The following TTK variants were observed in gnomAD, a reference collection of about 807,000 sequenced individuals.
The protein encoded by TTK is TTK protein kinase.
In TTK, 59 loss-of-function variants were observed where a neutral mutation model predicts 117.3. The ratio of observed to expected loss-of-function variants is 0.50; its 90% confidence interval spans 0.41 to 0.62. The LOEUF (loss-of-function observed/expected upper bound fraction) is 0.62, where lower values mean the gene tolerates loss of function less well. Ranked by LOEUF, TTK falls within the 20% of genes least tolerant of loss-of-function variation. TTK has a pLI of 0.00. For missense variants in TTK, 921 were observed against 989.4 expected (o/e 0.93, Z 0.93); for synonymous variants, 302 against 325.0 (o/e 0.93, Z 0.76).
At chr6:80,019,373 A>C (rs1767399313) in intron 10 of TTK, among the ~76,000 whole-genome samples, 1 of 152,214 alleles carries the variant, frequency 6.6e-6, no homozygotes, top group South Asian at 2.1e-4. Context: ...TACTTTCAAA[A>C]GACTATTCTG....
At chr6:80,012,150 C>T (rs1359642833) in intron 8 of TTK, among the ~76,000 whole-genome samples, 170 bp downstream of exon 8, 2 of 151,854 alleles carry the variant, frequency 1.3e-5, no homozygotes, top group African/African-American at 4.8e-5. Context: ...GAGAAAATAA[C>T]TTTGTTTTGC....
chr6:80,035,952 T>C (rs1031311024), intron 16 of TTK, among the ~76,000 whole-genome samples: 2 of 152,148 alleles, frequency 1.3e-5, no homozygotes, highest in African/African-American at 4.8e-5. Context: ...AATTGTAATT[T>C]ATCTCCTCCT....
At chr6:80,039,406 C>A (rs1035437953) in intron 18 of TTK, among the ~76,000 whole-genome samples, 3 of 151,662 alleles carry the variant, frequency 2.0e-5, no homozygotes, top group Admixed American at 6.6e-5. Context: ...TTAAAACTTA[C>A]ATTTTTTAAT....
At position 80,035,158 on chromosome 6, in the gene TTK, A is replaced by C. The variant is rs568619073; in HGVS notation, c.1772+16A>C. 1 of 1,538,808 alleles carries C rather than the reference A, an allele frequency of 6.5e-7. No homozygotes were observed. Among genetic ancestry groups the C allele is most frequent in the African/African-American group, 1.4e-5 (1 of 71,496 alleles). On this transcript the variant is annotated intron_variant, in intron 15 of 21. Transcript: ENST00000369798. The stretch of plus-strand genomic sequence containing the variant: ...TTTATGATTAGTAAGAATTCTTTTT[A>C]AATTTAAAAAGAAAACTTTTTGCCA...
chr6:80,012,125 A>G, intron 8 of TTK, 145 bp downstream of exon 8: 1 of 653,694 alleles, frequency 1.5e-6, no homozygotes, highest in South Asian at 3.0e-5. Flanking sequence ...GTTGTCAGGA[A>G]CAAAGGAATG....
At chr6:80,006,594 T>C (rs889700247) in intron 2 of TTK, among the ~76,000 whole-genome samples, 8 of 152,166 alleles carry the variant, frequency 5.3e-5, no homozygotes, top group Admixed American at 2.6e-4. Context: ...TGAGAATTTA[T>C]ATATTCACTA....
intron 10 of TTK, among the ~76,000 whole-genome samples, chr6:80,014,944 A>G (rs1217269948): frequency 1.3e-5 from 2 of 152,130 alleles, no homozygotes; most frequent in African/African-American, 2.4e-5. Context: ...ACTGTGATAC[A>G]TGTTCTAGGG....
Position 80,030,797 on chromosome 6 carries a change from T to G in TTK, c.1522-670T>G, listed in dbSNP as rs76607310. Among the ~76,000 whole-genome samples, 593 of 152,318 alleles carry G rather than the reference T, an allele frequency of 3.9e-3. 3 individuals carry two copies. Among genetic ancestry groups the G allele is most frequent in the African/African-American group, 0.013 (561 of 41,570 alleles). On this transcript the variant is annotated intron_variant, in intron 13 of 21. Transcript: ENST00000369798. ...CAGATCCAAACCATATCAGGGACAT[T>G]GCTGAAATTTGCATTTGTCTCATTG...
At chr6:80,032,689 A>T (rs1405532453) in intron 14 of TTK, among the ~76,000 whole-genome samples, 1 of 152,154 alleles carries the variant, frequency 6.6e-6, no homozygotes, top group Non-Finnish European at 1.5e-5. Context: ...CAATCAGCAG[A>T]TCTTGTTAGT....
At chr6:80,022,619 AGTG>A in intron 11 of TTK, 147 bp downstream of exon 11, 1 of 899,318 alleles carries the variant, frequency 1.1e-6, no homozygotes, top group Non-Finnish European at 1.6e-6. Context: ...TCATTTATAA[AGTG>A]GTGATCAGTA....
At chr6:80,010,711 CTT>C (rs749505995) in intron 4 of TTK, 101 bp from the exon 5 acceptor site, 1 of 1,223,332 alleles carries the variant, frequency 8.2e-7, no homozygotes, top group Non-Finnish European at 1.1e-6. Context: ...TTGCTTAAGT[CTT>C]TTTGATTTTT....
At position 80,042,133 on chromosome 6, in the gene TTK, C is replaced by T; in HGVS notation, c.2505C>T (p.His835=). The T allele has an allele frequency of 1.3e-6, 2 of 1,597,872 alleles. No homozygotes were observed. The highest frequency in any genetic ancestry group is 1.3e-5 in the African/African-American group (1 of 74,276). ...TTTAATTTCAGACTTTATATGAACA[C>T]TATAGTGGTGGTGAAAGTCATAATT... ...ILKAAKTLYE[H]YSGGESHNSS... The change falls in exon 22 of 22, where the codon CAC becomes CAT. Residue 835 remains histidine (H), a synonymous_variant. Transcript: ENST00000369798.
intron 11 of TTK, 45 bp from the exon 12 acceptor site, chr6:80,026,333 A>G (rs756770636): frequency 6.3e-7 from 1 of 1,576,266 alleles, no homozygotes; most frequent in Non-Finnish European, 8.6e-7. Context: ...GTGAACAGGC[A>G]ACTAATTTAA....
In TTK at chr6:80,014,579, A is replaced by C; in HGVS notation, c.1101A>C (p.Lys367Asn). 6.3e-7 allele frequency: 1 copy of C among 1,598,150 alleles called. No homozygotes were observed. Reference sequence around the variant, plus strand: ...AAACGGAATCAAGTCTTCTAGCTAAATTAGAAGGTAAGAGTAACAAAATCA... The same window carrying C: ...AAACGGAATCAAGTCTTCTAGCTAACTTAGAAGGTAAGAGTAACAAAATCA... ...KNKTESSLLA[K>N]LEETKEYQEP... Residue 367 changes from lysine (K) to asparagine (N), a missense_variant, in exon 10 of 22, where the codon AAA (lysine) becomes AAC (asparagine). Coordinates refer to ENST00000369798, the MANE Select transcript of TTK (RefSeq NM_003318.5).
chr6:80,007,032 T>TA lies in TTK; in HGVS notation c.140-771dup, dbSNP rs1358143275. Among the ~76,000 whole-genome samples the TA allele has an allele frequency of 2.6e-5, 4 of 152,176 alleles. No individual in the cohort carries two copies. The East Asian group carries it at 7.7e-4, about 29-fold the overall frequency. Reference sequence around the variant, plus strand: ...AAGACTGACATTCAAGTTATCTTTTTAAAAAACTAACACTGAAGAAAGTAA... The same window carrying TA: ...AAGACTGACATTCAAGTTATCTTTTTAAAAAAACTAACACTGAAGAAAGTAA... On this transcript the variant is annotated intron_variant, in intron 2 of 21. Transcript: ENST00000369798.
chr6:80,024,202 G>C (rs996270221), intron 11 of TTK, among the ~76,000 whole-genome samples: 3 of 152,214 alleles, frequency 2.0e-5, no homozygotes. Context: ...GAGTCTGGGA[G>C]TTCTTCAAAA....
At chr6:80,006,585 G>A (rs1049514924) in intron 2 of TTK, among the ~76,000 whole-genome samples, 1 of 152,130 alleles carries the variant, frequency 6.6e-6, no homozygotes, top group East Asian at 1.9e-4. Flanking sequence ...CTTTCTAGAT[G>A]AGAATTTATA....
intron 4 of TTK, among the ~76,000 whole-genome samples, chr6:80,008,993 A>G (rs1212105169): frequency 1.4e-5 from 2 of 144,366 alleles, no homozygotes; most frequent in African/African-American, 5.0e-5. Context: ...GTTCTTTAAA[A>G]TAAAAAAGTA....
intron 10 of TTK, among the ~76,000 whole-genome samples, chr6:80,018,528 G>T (rs1162379356): frequency 6.6e-6 from 1 of 151,308 alleles, no homozygotes; most frequent in Non-Finnish European, 1.5e-5. Flanking sequence ...GGAAGCTGAG[G>T]CAGGAGAATC....
Sources: allele counts gnomAD v4.1 joint callset (sites outside exome capture counted in the v4.1 genomes callset), GRCh38; gene constraint gnomAD v4.1.1; transcripts MANE v1.5; gene names NCBI Gene and HGNC (gene_info 2026-07-23, HGNC 2026-07-21).